RPS6KA2: variants seen among roughly 807,000 people sequenced by gnomAD.
RPS6KA2 encodes the protein ribosomal protein S6 kinase alpha-2.
RPS6KA2 carries 42 observed loss-of-function variants against 91.8 expected under a neutral mutation model. The observed-to-expected ratio is 0.46, with a 90% CI of 0.36 to 0.59. The LOEUF (loss-of-function observed/expected upper bound fraction) is 0.59, where lower values mean the gene tolerates loss of function less well. Ranked by LOEUF, RPS6KA2 falls within the 20% of genes least tolerant of loss-of-function variation. RPS6KA2 has a pLI of 0.00. For missense variants in RPS6KA2, 798 were observed against 978.5 expected (o/e 0.82, Z 2.46); for synonymous variants, 414 against 393.6 (o/e 1.05, Z -0.61).
At position 166,433,426 on chromosome 6, in the gene RPS6KA2, C is replaced by A. The variant is rs1779202688; in HGVS notation, c.1333-936G>T. On this transcript the variant is annotated intron_variant, in intron 14 of 20. Transcript: ENST00000265678. The surrounding 1 kb of genome is among the most constrained non-coding windows in gnomAD (Gnocchi z 4.4). ...TTGGAAACAGGAAGTCGCTGTTGGTCCCTGGTGGCTAATCCCTCTGGAGGT... is the reference window on the plus strand; with the variant it reads ...TTGGAAACAGGAAGTCGCTGTTGGTACCTGGTGGCTAATCCCTCTGGAGGT... Among the ~76,000 whole-genome samples, 1 of 152,150 alleles carries A rather than the reference C, an allele frequency of 6.6e-6. No individual in the cohort carries two copies.
At chr6:166,505,212 T>C (rs561077236) in intron 5 of RPS6KA2, among the ~76,000 whole-genome samples, 34 of 152,110 alleles carry the variant, frequency 2.2e-4, no homozygotes, top group Non-Finnish European at 2.8e-4. Context: ...GGGGAGGGGT[T>C]TCCAGGTGTT....
chr6:166,759,684 G>T (rs150170187), intron 2 of RPS6KA2, among the ~76,000 whole-genome samples: 4 of 152,286 alleles, frequency 2.6e-5, no homozygotes, highest in African/African-American at 7.2e-5. Flanking sequence ...CTTTGAAAAT[G>T]CTGGATCTTA....
chr6:166,607,674 G>C (rs889259272), intron 1 of RPS6KA2, among the ~76,000 whole-genome samples: 1 of 152,182 alleles, frequency 6.6e-6, no homozygotes, highest in Admixed American at 6.5e-5. Context: ...TACAGATGTG[G>C]TAACAGTTGC....
chr6:166,816,589 G>A (rs1779772517), intron 2 of RPS6KA2, among the ~76,000 whole-genome samples: 1 of 151,696 alleles, frequency 6.6e-6, no homozygotes, highest in Non-Finnish European at 1.5e-5. Flanking sequence ...GAATGAAACT[G>A]AATTGGAAGA....
At chr6:166,838,015 G>T (rs540119605) in intron 2 of RPS6KA2, among the ~76,000 whole-genome samples, 3 of 152,364 alleles carry the variant, frequency 2.0e-5, no homozygotes, top group Non-Finnish European at 4.4e-5. Flanking sequence ...ACACATAAAC[G>T]CAACGCAGGC....
At chr6:166,686,583 C>T (rs1789024231) in intron 2 of RPS6KA2, among the ~76,000 whole-genome samples, 1 of 152,198 alleles carries the variant, frequency 6.6e-6, no homozygotes, top group South Asian at 2.1e-4. Flanking sequence ...TGTGGCTTAG[C>T]TTTCCTTCTC....
At chr6:166,752,112 G>C (rs1004441667) in intron 2 of RPS6KA2, among the ~76,000 whole-genome samples, 1 of 152,230 alleles carries the variant, frequency 6.6e-6, no homozygotes, top group Non-Finnish European at 1.5e-5. Context: ...TTAGAAATTA[G>C]ATAAAATCAA....
At chr6:166,771,312 G>A (rs1205416523) in intron 2 of RPS6KA2, among the ~76,000 whole-genome samples, 1 of 152,178 alleles carries the variant, frequency 6.6e-6, no homozygotes. Flanking sequence ...CTATGGAAGA[G>A]GCTCATTCCA....
intron 2 of RPS6KA2, among the ~76,000 whole-genome samples, chr6:166,651,868 T>C (rs1321880197): frequency 6.6e-6 from 1 of 152,268 alleles, no homozygotes; most frequent in African/African-American, 2.4e-5. Context: ...CTATTGCTCT[T>C]GTATGAGTTC....
intron 16 of RPS6KA2, among the ~76,000 whole-genome samples, chr6:166,430,092 G>C (rs1427520364): frequency 6.6e-6 from 1 of 151,870 alleles, no homozygotes; most frequent in Non-Finnish European, 1.5e-5. Flanking sequence ...CGAGTAGCTA[G>C]GATTGCAGGT....
At chr6:166,683,123 AG>A (rs562074633) in intron 2 of RPS6KA2, among the ~76,000 whole-genome samples, 75 of 152,326 alleles carry the variant, frequency 4.9e-4, no homozygotes, top group Middle Eastern at 3.4e-3. Flanking sequence ...AGCGCTGCTC[AG>A]GGGTCACAAC....
At chr6:166,723,907 C>T (rs377081516) in intron 2 of RPS6KA2, among the ~76,000 whole-genome samples, 87 of 152,180 alleles carry the variant, frequency 5.7e-4, no homozygotes, top group African/African-American at 2.0e-3. Context: ...TCCATGTTGG[C>T]CAGGCTGGCC....
intron 2 of RPS6KA2, among the ~76,000 whole-genome samples, chr6:166,741,611 G>A (rs922439264): frequency 6.6e-6 from 1 of 152,224 alleles, no homozygotes; most frequent in Admixed American, 6.5e-5. Flanking sequence ...TGTGCTGAGG[G>A]ATCACCCACT....
At chr6:166,777,122 G>C (rs2128609048) in intron 2 of RPS6KA2, among the ~76,000 whole-genome samples, 2 of 152,340 alleles carry the variant, frequency 1.3e-5, no homozygotes, top group South Asian at 4.1e-4. Context: ...AGCTGGACCT[G>C]AGGTTGCTGC....
intron 2 of RPS6KA2, among the ~76,000 whole-genome samples, chr6:166,707,269 C>T (rs772583647): frequency 1.3e-5 from 2 of 152,210 alleles, no homozygotes; most frequent in South Asian, 2.1e-4. Context: ...CCACGCAGCC[C>T]GCAGAGCAGA....
upstream of RPS6KA2, chr6:166,862,583 GGCCAC>G (rs1439960465): frequency 3.7e-5 from 9 of 241,462 alleles, no homozygotes; most frequent in Non-Finnish European, 6.6e-5. Context: ...TCCCTTCCCT[GGCCAC>G]GCTCTTCCCT....
Position 166,648,251 on chromosome 6 carries a change from C to G in RPS6KA2, c.124-109467G>C, listed in dbSNP as rs1396799371. 2.8e-4 allele frequency among the ~76,000 whole-genome samples: 34 copies of G among 119,888 alleles called. No homozygotes were observed. In the Admixed American group the frequency reaches 3.2e-3, roughly 11 times the overall value. 78.7% of individuals were successfully genotyped at this position (119,888 alleles called of 152,430 possible). A position where few individuals can be genotyped will look rare whatever the true frequency, so the allele number is the denominator to read the frequency against. On this transcript the variant is annotated intron_variant, in intron 2 of 21. Transcript: ENST00000503859. The surrounding 1 kb of genome is among the most constrained non-coding windows in gnomAD (Gnocchi z 4.8). ...GCGCACACACACACATTCACACAGGCACACACACTCATGTTCATACACACG... is the reference window on the plus strand; with the variant it reads ...GCGCACACACACACATTCACACAGGGACACACACTCATGTTCATACACACG...
rs73788156 is a variant in RPS6KA2 at position 166,822,096 on chromosome 6, C to G, written c.123+36104G>C. On this transcript the variant is annotated intron_variant, in intron 2 of 21. Transcript: ENST00000503859. ...TGGAGCTGGCCTCCTGCTCCTCCCC[C>G]CTGCCCTGTCAGTCTTGTCCTTGCA... Among the ~76,000 whole-genome samples, 1,450 of 152,326 alleles carry G rather than the reference C, an allele frequency of 9.5e-3. 12 individuals are homozygous for G. Among genetic ancestry groups the G allele is most frequent in the African/African-American group, 0.033 (1,368 of 41,582 alleles).
intron 2 of RPS6KA2, among the ~76,000 whole-genome samples, chr6:166,827,560 G>A (rs1207798631): frequency 6.6e-6 from 1 of 152,122 alleles, no homozygotes; most frequent in Non-Finnish European, 1.5e-5. Flanking sequence ...CTTTTAGAGA[G>A]CCACTGTCTG....
Sources: gnomAD v4.1 joint callset for allele counts (sites outside exome capture counted in the v4.1 genomes callset) on GRCh38, gnomAD v4.1.1 for gene constraint, Gnocchi (gnomAD v3.1) non-coding constraint, MANE v1.5 for transcripts, NCBI Gene and HGNC (gene_info 2026-07-23, HGNC 2026-07-21) for gene names.